PTGER4: variants seen among roughly 807,000 people sequenced by gnomAD.
PTGER4 encodes prostaglandin E2 receptor EP4 subtype.
A neutral mutation model predicts 33.2 loss-of-function variants in PTGER4; 11 were observed. The ratio of observed to expected loss-of-function variants is 0.33; its 90% confidence interval spans 0.21 to 0.55. The LOEUF (loss-of-function observed/expected upper bound fraction) is 0.55. PTGER4 is among the 20% of genes least tolerant of loss of function. The pLI is 0.92. For missense variants in PTGER4, 481 were observed against 650.2 expected, an observed-to-expected ratio of 0.74 and a Z score of 2.83; for synonymous variants, 275 against 281.5, an observed-to-expected ratio of 0.98 and a Z score of 0.23.
At chr5:40,730,499 C>A in the PTGER4 span, among the ~76,000 whole-genome samples, 2 of 152,110 alleles carry the variant, frequency 1.3e-5, no homozygotes, top group East Asian at 3.8e-4. Flanking sequence ...ACATATAGTT[C>A]ATTCACCTTT....
chr5:40,701,884 C>A, the PTGER4 span, among the ~76,000 whole-genome samples: 1 of 152,070 alleles, frequency 6.6e-6, no homozygotes, highest in African/African-American at 2.4e-5. Flanking sequence ...TGTTCAACAT[C>A]ATAAAGAAAA....
chr5:40,743,500 T>C, the PTGER4 span, among the ~76,000 whole-genome samples: 1 of 152,182 alleles, frequency 6.6e-6, no homozygotes, highest in Non-Finnish European at 1.5e-5. Context: ...TTGCTGGGCA[T>C]GGTGGCTCAC....
At chr5:40,716,480 CT>C in the PTGER4 span, 1 of 1,588,154 alleles carries the variant, frequency 6.3e-7, no homozygotes, top group Non-Finnish European at 8.5e-7. Context: ...TGAAGGGCTA[CT>C]TGAAAACTTC....
Position 40,681,266 on chromosome 5 carries a change from G to A in PTGER4, c.273G>A (p.Leu91=), listed in dbSNP as rs752821495. The A allele has an allele frequency of 1.2e-5, 19 of 1,614,066 alleles. No individual in the cohort carries two copies. The highest frequency in any genetic ancestry group is 5.0e-5 in the Admixed American group (3 of 60,014). ...MKGQWPGGQP[L]CEYSTFILLF... is the part of the protein sequence containing the mutation. Reference sequence around the variant, plus strand: ...GCCAATGGCCCGGGGGCCAGCCGCTGTGCGAGTACAGCACCTTCATTCTGC... The same window carrying A: ...GCCAATGGCCCGGGGGCCAGCCGCTATGCGAGTACAGCACCTTCATTCTGC... Residue 91 remains leucine, a synonymous_variant, in exon 2 of 3, where the codon CTG becomes CTA. Transcript: ENST00000302472. This position sits in a 1 kb window ranked among gnomAD's most constrained non-coding sequence, Gnocchi z 9.8.
At chr5:40,740,556 G>A in the PTGER4 span, among the ~76,000 whole-genome samples, 1 of 152,050 alleles carries the variant, frequency 6.6e-6, no homozygotes, top group African/African-American at 2.4e-5. Flanking sequence ...ATATCTCATG[G>A]CTTTTCTCCA....
At chr5:40,728,397 T>G in the PTGER4 span, 5 of 1,606,868 alleles carry the variant, frequency 3.1e-6, no homozygotes, top group Non-Finnish European at 3.4e-6. Context: ...CTGCCAAGAC[T>G]CCCATGAATG....
chr5:40,731,577 G>A, the PTGER4 span, among the ~76,000 whole-genome samples: 1 of 152,204 alleles, frequency 6.6e-6, no homozygotes, highest in Non-Finnish European at 1.5e-5. Flanking sequence ...AGCAAACAGG[G>A]AAGCCCCTTA....
chr5:40,724,762 A>G, the PTGER4 span, among the ~76,000 whole-genome samples: 2,682 of 152,308 alleles, frequency 0.018, 39 homozygotes, highest in Non-Finnish European at 0.022. Flanking sequence ...CTATAATTCA[A>G]GAATTTGTAC....
chr5:40,718,537 C>G, the PTGER4 span, among the ~76,000 whole-genome samples: 8 of 152,092 alleles, frequency 5.3e-5, no homozygotes, highest in Admixed American at 5.2e-4. Flanking sequence ...GTCAGGAGTT[C>G]AAGACCAGCC....
the PTGER4 span, among the ~76,000 whole-genome samples, chr5:40,730,951 G>A: frequency 3.3e-5 from 5 of 152,094 alleles, no homozygotes; most frequent in Middle Eastern, 3.4e-3. Context: ...TAGTACTGTG[G>A]TGCCATCATC....
At chr5:40,696,833 A>G (rs543080587), downstream of PTGER4, 2,138 of 559,938 alleles carry the variant, frequency 3.8e-3, 6 homozygotes, top group Admixed American at 6.4e-3. Context: ...AAAGAATTCC[A>G]AGAACAATGA....
chr5:40,740,574 T>C, the PTGER4 span, among the ~76,000 whole-genome samples: 2 of 152,136 alleles, frequency 1.3e-5, no homozygotes, highest in Non-Finnish European at 2.9e-5. Context: ...CCACATTAAC[T>C]GGAAGTAGCA....
downstream of PTGER4, among the ~76,000 whole-genome samples, chr5:40,697,924 G>C (rs555926198): frequency 6.6e-6 from 1 of 151,648 alleles, no homozygotes; most frequent in South Asian, 2.1e-4. Context: ...AACTCCTTTT[G>C]TGCAGCCATA....
In PTGER4 at chr5:40,692,090, G is replaced by T; in HGVS notation, c.1179G>T (p.Gln393His). 1.9e-6 allele frequency: 3 copies of T among 1,614,202 alleles called. No individual in the cohort carries two copies. The highest frequency in any genetic ancestry group is 2.5e-6 in the Non-Finnish European group (3 of 1,180,046). The stretch of plus-strand genomic sequence containing the variant: ...TGAAGGAGATCAGCAGTACATCTCA[G>T]ACCCTCCTGCCAGACCTCTCACTGC... ...RELKEISSTSQTLLPDLSLPD... is the reference protein window; with the variant it reads ...RELKEISSTSHTLLPDLSLPD... Residue 393 changes from glutamine (Q) to histidine (H), a missense_variant, in exon 3 of 3, where the codon CAG (glutamine) becomes CAT (histidine). Gln to His is a conservative substitution (Grantham distance 24). This residue lies in a region of PTGER4 where 172 missense variants were observed against 199.2 expected (regional missense o/e 0.86). Transcript: ENST00000302472.
chr5:40,707,133 A>T, the PTGER4 span, among the ~76,000 whole-genome samples: 16 of 152,314 alleles, frequency 1.1e-4, no homozygotes, highest in Non-Finnish European at 2.2e-4. Context: ...AACGAGCAAA[A>T]TAACCAGCTC....
At chr5:40,738,529 CAATAAAATACAATAAAATAAAATAA>C in the PTGER4 span, among the ~76,000 whole-genome samples, 3 of 82,082 alleles carry the variant, frequency 3.7e-5, no homozygotes, top group South Asian at 8.5e-4. Flanking sequence ...AAATAAAATA[CAATAAAATACAATAAAATAAAATAA>C]AATAAAATAA....
At chr5:40,735,231 A>C in the PTGER4 span, among the ~76,000 whole-genome samples, 1 of 152,254 alleles carries the variant, frequency 6.6e-6, no homozygotes. Context: ...ACAGTGAGAC[A>C]TGAATTATTG....
the PTGER4 span, among the ~76,000 whole-genome samples, chr5:40,726,341 C>T: frequency 2.0e-5 from 3 of 151,688 alleles, no homozygotes; most frequent in South Asian, 2.1e-4. Context: ...TATTTACATA[C>T]ATAATTTCCT....
the PTGER4 span, among the ~76,000 whole-genome samples, chr5:40,700,739 G>A: frequency 6.7e-6 from 1 of 149,314 alleles, no homozygotes; most frequent in Non-Finnish European, 1.5e-5. Flanking sequence ...GGAGTGCCAA[G>A]TTGTGAATTA....
Sources: gnomAD v4.1 joint callset for allele counts (sites outside exome capture counted in the v4.1 genomes callset) on GRCh38, gnomAD v4.1.1 for gene constraint, gnomAD v4.1.1 regional missense constraint, Gnocchi (gnomAD v3.1) non-coding constraint, MANE v1.5 for transcripts, NCBI Gene and HGNC (gene_info 2026-07-23, HGNC 2026-07-21) for gene names.